ASTN2: variants seen among roughly 807,000 people sequenced by gnomAD.
The protein encoded by ASTN2 is astrotactin-2.
Under a neutral mutation model 139.8 loss-of-function variants are expected in ASTN2, and 54 were observed. The ratio of observed to expected loss-of-function variants is 0.39; its 90% CI spans 0.31 to 0.48. The LOEUF is 0.48. Ranked by LOEUF, ASTN2 falls within the 20% of genes least tolerant of loss-of-function variation. The probability of loss-of-function intolerance (pLI) is 0.95; values close to 1 mark genes in which losing one functional copy is unlikely to be tolerated. For missense variants in ASTN2, 1,565 were observed against 1,725.1 expected, an observed-to-expected ratio of 0.91 and a Z score of 1.64; for synonymous variants, 756 against 719.5, an observed-to-expected ratio of 1.05 and a Z score of -0.81.
intron 11 of ASTN2, among the ~76,000 whole-genome samples, chr9:116,859,088 A>T (rs892816911): frequency 9.8e-5 from 15 of 152,320 alleles, no homozygotes; most frequent in African/African-American, 3.4e-4. Flanking sequence ...CTCTTCCTCC[A>T]ACTTCACAGC....
chr9:116,975,443 A>G, intron 9 of ASTN2, 98 bp from the exon 10 acceptor site: 1 of 1,222,294 alleles, frequency 8.2e-7, no homozygotes, highest in Non-Finnish European at 1.1e-6. Flanking sequence ...GCAATTTCCT[A>G]CTTCTCCATC....
intron 1 of ASTN2, among the ~76,000 whole-genome samples, chr9:117,413,990 G>A (rs1246776839): frequency 1.3e-5 from 2 of 152,174 alleles, no homozygotes; most frequent in African/African-American, 2.4e-5. Flanking sequence ...GCTTTTGCGG[G>A]TTGAGCGATT....
chr9:117,249,576 G>T (rs1305159928), intron 2 of ASTN2, among the ~76,000 whole-genome samples: 1 of 152,044 alleles, frequency 6.6e-6, no homozygotes, highest in African/African-American at 2.4e-5. Context: ...TAAGCATGAC[G>T]ATCGAAGGCC....
chr9:116,514,403 C>G, intron 19 of ASTN2, among the ~76,000 whole-genome samples: 1 of 151,920 alleles, frequency 6.6e-6, no homozygotes, highest in Admixed American at 6.6e-5. Flanking sequence ...AGGTGTCAGT[C>G]TGCCCCTACT....
rs75566031 is a variant in ASTN2, at chr9:116,503,320, G to C, written c.3356-15820C>G. ...GGGGCAGATGATCTGGGAGGAGGAG[G>C]GGGGGAGAGTGAGAGGGTGACTGGC... is the stretch of plus-strand genomic sequence containing the variant. On this transcript the variant is annotated intron_variant, in intron 19 of 22. Transcript: ENST00000313400. Among the ~76,000 whole-genome samples, 151 of 152,044 alleles carry C rather than the reference G, an allele frequency of 9.9e-4. 1 individual carries two copies. In the East Asian group the frequency reaches 0.017, roughly 17 times the overall value.
chr9:116,953,125 C>T (rs932966374), intron 10 of ASTN2, among the ~76,000 whole-genome samples: 1 of 152,178 alleles, frequency 6.6e-6, no homozygotes, highest in African/African-American at 2.4e-5. Context: ...TTAACTCCCC[C>T]ACCCACTGAG....
chr9:117,010,253 T>C (rs1020923842), intron 6 of ASTN2, among the ~76,000 whole-genome samples: 34 of 152,230 alleles, frequency 2.2e-4, no homozygotes, highest in African/African-American at 7.9e-4. Flanking sequence ...AAAGCCATAT[T>C]TCCCCCCTGG....
intron 1 of ASTN2, among the ~76,000 whole-genome samples, chr9:117,390,470 C>T (rs1423146970): frequency 6.6e-6 from 1 of 152,180 alleles, no homozygotes; most frequent in East Asian, 1.9e-4. Flanking sequence ...CGTTTCACTG[C>T]TCTAAGAATC....
intron 10 of ASTN2, among the ~76,000 whole-genome samples, chr9:116,952,551 A>G (rs990168372): frequency 6.6e-6 from 1 of 152,222 alleles, no homozygotes; most frequent in Non-Finnish European, 1.5e-5. Context: ...GATGAGAGGC[A>G]CAGGCTGTGA....
intron 19 of ASTN2, among the ~76,000 whole-genome samples, chr9:116,511,645 G>A (rs1850386673): frequency 6.6e-6 from 1 of 152,078 alleles, no homozygotes; most frequent in Non-Finnish European, 1.5e-5. Flanking sequence ...GACTTTTTTT[G>A]GTTGGTAGGC....
intron 2 of ASTN2, among the ~76,000 whole-genome samples, chr9:117,231,027 G>A (rs1161955038): frequency 6.6e-6 from 1 of 152,142 alleles, no homozygotes; most frequent in African/African-American, 2.4e-5. Context: ...CTTTAAATAA[G>A]CCTGCAGGAG....
At chr9:117,353,914 T>G (rs926265121) in intron 1 of ASTN2, among the ~76,000 whole-genome samples, 2 of 152,134 alleles carry the variant, frequency 1.3e-5, no homozygotes, top group South Asian at 2.1e-4. Flanking sequence ...GAAGGATGAA[T>G]AGGCAGAGCA....
intron 3 of ASTN2, among the ~76,000 whole-genome samples, chr9:117,203,001 A>C (rs960321643): frequency 6.6e-6 from 1 of 151,914 alleles, no homozygotes; most frequent in Admixed American, 6.6e-5. Flanking sequence ...CTTTTTATGA[A>C]GTACCACATT....
At chr9:116,465,453 G>A (rs1421233947) in intron 20 of ASTN2, among the ~76,000 whole-genome samples, 1 of 152,164 alleles carries the variant, frequency 6.6e-6, no homozygotes, top group Non-Finnish European at 1.5e-5. Flanking sequence ...CTTTGCGTAA[G>A]CACAAGATTA....
chr9:116,606,687 AT>A (rs571288228), intron 19 of ASTN2, among the ~76,000 whole-genome samples: 3,914 of 147,534 alleles, frequency 0.027, 154 homozygotes, highest in African/African-American at 0.09. Context: ...CCTCCCTTTA[AT>A]TTTTTTTTTT....
At chr9:116,861,275 G>A (rs1832875395) in intron 11 of ASTN2, among the ~76,000 whole-genome samples, 1 of 150,528 alleles carries the variant, frequency 6.6e-6, no homozygotes, top group South Asian at 2.1e-4. Context: ...CTCTGTATTT[G>A]AGGTTTCATT....
At position 116,485,004 on chromosome 9, in the gene ASTN2, T is replaced by C. The variant is rs546264390; in HGVS notation, c.3497+2355A>G. Among the ~76,000 whole-genome samples, 5 of 152,332 alleles carry C rather than the reference T, an allele frequency of 3.3e-5. No individual in the cohort carries two copies. The East Asian group carries it at 9.6e-4, about 29-fold the overall frequency. On this transcript the variant is annotated intron_variant, in intron 20 of 22. Coordinates refer to ENST00000313400, the MANE Select transcript of ASTN2 (RefSeq NM_001365068.1). ...CACCCAGAGACAGGGTTACTCCTTC[T>C]GTATTAGTGAATAGGAATCACCCGA... is the stretch of plus-strand genomic sequence containing the variant.
chr9:117,008,333 G>A (rs555875208), intron 6 of ASTN2, 74 bp from the exon 7 acceptor site: 2 of 1,387,714 alleles, frequency 1.4e-6, no homozygotes, highest in Middle Eastern at 1.9e-4. Context: ...AACACAGAAA[G>A]GTGTGTACAA....
At chr9:116,503,400 C>G (rs866910738) in intron 19 of ASTN2, among the ~76,000 whole-genome samples, 1 of 152,044 alleles carries the variant, frequency 6.6e-6, no homozygotes, top group South Asian at 2.1e-4. Context: ...GAGGTTTTCA[C>G]TCTATTAAAA....
Sources: allele counts gnomAD v4.1 joint callset (sites outside exome capture counted in the v4.1 genomes callset), GRCh38; gene constraint gnomAD v4.1.1; transcripts MANE v1.5; gene names NCBI Gene and HGNC (gene_info 2026-07-23, HGNC 2026-07-21).